The following GDAP2 variants were observed in gnomAD, a reference collection of about 807,000 sequenced individuals.
GDAP2 encodes the protein ganglioside-induced differentiation-associated protein 2.
Under a neutral mutation model 67.0 loss-of-function variants are expected in GDAP2, and 51 were observed. That is an observed-to-expected ratio of 0.76 (90% CI 0.61 to 0.96). The LOEUF is 0.96. Among genes scored for constraint, GDAP2 ranks in the 40% least tolerant of loss-of-function variants. GDAP2 has a pLI of 0.00. For missense variants in GDAP2, 547 were observed against 588.3 expected (o/e 0.93, Z 0.73); for synonymous variants, 203 against 207.3 (o/e 0.98, Z 0.18).
At position 117,867,804 on chromosome 1, in the gene GDAP2, C is replaced by G. The variant is rs780568293; in HGVS notation, c.*2765G>C. 6.6e-6 allele frequency: 1 copy of G among 152,062 alleles called. No individual in the cohort carries two copies. The highest frequency in any genetic ancestry group is 1.5e-5 in the Non-Finnish European group (1 of 68,012). The allele number at this position is 152,062 out of a possible 1,614,324, so 9.4% of individuals were successfully genotyped here. ...TTAAAATATGTACCATTTGCCCTCA[C>G]GAGTCTAATAAAGGCTGAACCTTTT... On this transcript the variant is annotated 3_prime_UTR_variant, in exon 14 of 14. Transcript: ENST00000369443.
intron 6 of GDAP2, 54 bp from the exon 7 acceptor site, chr1:117,899,270 C>T: frequency 8.2e-7 from 1 of 1,226,672 alleles, no homozygotes; most frequent in South Asian, 1.2e-5. Context: ...CAAAGAAGAC[C>T]TCAGCAGTAC....
intron 1 of GDAP2, among the ~76,000 whole-genome samples, chr1:117,927,105 T>C (rs1409478018): frequency 6.6e-6 from 1 of 152,028 alleles, no homozygotes; most frequent in African/African-American, 2.4e-5. Context: ...TATTTCCATA[T>C]CCATATGATC....
chr1:117,883,436 A>G (rs1326644608), intron 11 of GDAP2, 52 bp downstream of exon 11: 1 of 1,372,478 alleles, frequency 7.3e-7, no homozygotes, highest in Non-Finnish European at 1.0e-6. Context: ...ACTGCTTAAT[A>G]TTAGAAAAGA....
At chr1:117,905,346 T>C (rs1649620748) in intron 6 of GDAP2, among the ~76,000 whole-genome samples, 1 of 152,244 alleles carries the variant, frequency 6.6e-6, no homozygotes, top group Non-Finnish European at 1.5e-5. Context: ...ACTCTCAGCC[T>C]CACATTTTAT....
Position 117,863,924 on chromosome 1 carries a change from C to A in GDAP2, c.*6645G>T, listed in dbSNP as rs1647978237. On this transcript the variant is annotated 3_prime_UTR_variant, in exon 14 of 14. Transcript: ENST00000369443. The stretch of plus-strand genomic sequence containing the variant: ...ATGTACATTATTGCATTTGTTCCTC[C>A]TAATTATTCAATTAATATTATCCCT... The A allele has an allele frequency of 1.3e-5, 2 of 152,170 alleles. No individual in the cohort carries two copies. The highest frequency in any genetic ancestry group is 2.9e-5 in the Non-Finnish European group (2 of 68,038). 9.4% of individuals were successfully genotyped at this position (152,170 alleles called of 1,614,324 possible). A position where few individuals can be genotyped will look rare whatever the true frequency, so the allele number is the denominator to read the frequency against.
In GDAP2 at chr1:117,883,419, G is replaced by A. The variant is rs1648734344; in HGVS notation, c.1247+69C>T. The A allele has an allele frequency of 5.3e-6, 6 of 1,133,162 alleles. No individual in the cohort carries two copies. In the South Asian group the frequency reaches 6.6e-5, roughly 12 times the overall value. 70.2% of individuals were successfully genotyped at this position (1,133,162 alleles called of 1,614,324 possible). ...ATCCTTTCACAGAATACAAAGCAAT[G>A]TTTGCCACTGCTTAATATTAGAAAA... On this transcript the variant is annotated intron_variant, in intron 11 of 13. Transcript: ENST00000369443.
At chr1:117,908,291 C>T (rs1570986552) in intron 5 of GDAP2, among the ~76,000 whole-genome samples, 1 of 152,034 alleles carries the variant, frequency 6.6e-6, no homozygotes, top group East Asian at 1.9e-4. Context: ...GGGCCTAGCA[C>T]ACCTTACGGA....
At chr1:117,887,850 C>T in intron 8 of GDAP2, 76 bp from the exon 9 acceptor site, 1 of 840,668 alleles carries the variant, frequency 1.2e-6, no homozygotes, top group Non-Finnish European at 2.0e-6. Context: ...ATTTTTAATA[C>T]CCTTCCCTGA....
Position 117,899,163 on chromosome 1 carries a change from C to T in GDAP2, c.690G>A (p.Glu230=), listed in dbSNP as rs150281952. 30 of 1,611,196 alleles carry T rather than the reference C, an allele frequency of 1.9e-5. No individual in the cohort carries two copies. Among genetic ancestry groups the T allele is most frequent in the Non-Finnish European group, 2.5e-5 (29 of 1,177,484 alleles). The change falls in exon 7 of 14, where the codon GAG becomes GAA. Residue 230 remains glutamate, a synonymous_variant. Coordinates refer to ENST00000369443, the MANE Select transcript of GDAP2 (RefSeq NM_017686.4). ...PLYFPRSLKE[E]NRSLPYLPAD... ...CAGGTAGGTAGGGCAATGATCGATT[C>T]TCCTCTTTTAATGACCTTGGGAAGT... is the stretch of plus-strand genomic sequence containing the variant.
intron 5 of GDAP2, 68 bp from the exon 6 acceptor site, chr1:117,906,650 T>C: frequency 1.2e-6 from 1 of 831,970 alleles, no homozygotes; most frequent in Non-Finnish European, 2.0e-6. Context: ...AAAATCAAGC[T>C]CTTCAATGTT....
At position 117,866,316 on chromosome 1, in the gene GDAP2, C is replaced by A. The variant is rs990412680; in HGVS notation, c.*4253G>T. The A allele has an allele frequency of 6.6e-6, 1 of 152,126 alleles. No homozygotes were observed. Among genetic ancestry groups the A allele is most frequent in the Non-Finnish European group, 1.5e-5 (1 of 68,032 alleles). 9.4% of individuals were successfully genotyped at this position (152,126 alleles called of 1,614,324 possible). ...AGAAGAGGGCCCTCATCAGGAATTGCGCTGGATGGCACTTTGATCTTGGGG... is the reference window on the plus strand; with the variant it reads ...AGAAGAGGGCCCTCATCAGGAATTGAGCTGGATGGCACTTTGATCTTGGGG... On this transcript the variant is annotated 3_prime_UTR_variant, in exon 14 of 14. Coordinates refer to ENST00000369443, the MANE Select transcript of GDAP2 (RefSeq NM_017686.4).
chr1:117,912,884 A>C (rs1214727663), intron 3 of GDAP2, among the ~76,000 whole-genome samples: 1 of 152,242 alleles, frequency 6.6e-6, no homozygotes. Context: ...GCACAGAGAC[A>C]GATAAAGAGA....
rs1383307503 is a variant in GDAP2 at position 117,900,824 on chromosome 1, GC to G, written c.637-1609del. Among the ~76,000 whole-genome samples, 10 of 151,526 alleles carry G rather than the reference GC, an allele frequency of 6.6e-5. No individual in the cohort carries two copies. In the East Asian group the frequency reaches 1.9e-3, roughly 29 times the overall value. ...GCCTATAATCCCAGCACTTAGGGAG[GC>G]CGAGGCGGACAGATCACGAAGTCAG... On this transcript the variant is annotated intron_variant, in intron 6 of 13. Coordinates refer to ENST00000369443, the MANE Select transcript of GDAP2 (RefSeq NM_017686.4).
chr1:117,907,535 C>T (rs1649697588), intron 5 of GDAP2, among the ~76,000 whole-genome samples: 1 of 152,154 alleles, frequency 6.6e-6, no homozygotes, highest in South Asian at 2.1e-4. Context: ...ACCTACATTC[C>T]TTATTTTGGT....
chr1:117,883,672 T>C (rs1648749487), intron 10 of GDAP2, 45 bp from the exon 11 acceptor site: 2 of 1,445,624 alleles, frequency 1.4e-6, no homozygotes, highest in Admixed American at 1.8e-5. Flanking sequence ...TTTTGAACAG[T>C]AGTCTATTTC....
intron 10 of GDAP2, 69 bp downstream of exon 10, chr1:117,886,508 T>A: frequency 1.2e-6 from 1 of 866,822 alleles, no homozygotes. Flanking sequence ...AGGCCTTGAT[T>A]CCAAATTCAT....
intron 11 of GDAP2, among the ~76,000 whole-genome samples, chr1:117,882,555 T>C (rs372961306): frequency 6.6e-6 from 1 of 151,982 alleles, no homozygotes; most frequent in Non-Finnish European, 1.5e-5. Flanking sequence ...GTAATCAACA[T>C]TGGGTCACGT....
At chr1:117,883,717 A>G (rs1648751479) in intron 10 of GDAP2, 90 bp from the exon 11 acceptor site, 1 of 870,894 alleles carries the variant, frequency 1.1e-6, no homozygotes. Context: ...AAAACAAAAT[A>G]GAAAATTAAC....
At chr1:117,922,845 G>A (rs955405734) in intron 1 of GDAP2, among the ~76,000 whole-genome samples, 3 of 152,170 alleles carry the variant, frequency 2.0e-5, no homozygotes, top group Admixed American at 6.5e-5. Flanking sequence ...ACTAGAATTC[G>A]CCAGGCTGGA....
Sources: allele counts gnomAD v4.1 joint callset (sites outside exome capture counted in the v4.1 genomes callset), GRCh38; gene constraint gnomAD v4.1.1; transcripts MANE v1.5; gene names NCBI Gene and HGNC (gene_info 2026-07-23, HGNC 2026-07-21).